The following DNAH7 variants were observed in gnomAD, a reference collection of about 807,000 sequenced individuals.
DNAH7 encodes axonemal beta dynein heavy chain 7.
DNAH7 carries 397 observed loss-of-function variants against 444.6 expected under a neutral mutation model. The ratio of observed to expected loss-of-function variants is 0.89; its 90% CI spans 0.82 to 0.97. The LOEUF is 0.97. DNAH7 is among the 50% of genes least tolerant of loss of function. The pLI is 0.00. For missense variants in DNAH7, 4,902 were observed against 4,800.8 expected (o/e 1.02, Z -0.62); for synonymous variants, 1,636 against 1,624.4 (o/e 1.01, Z -0.17).
chr2:195,957,184 G>C, intron 19 of DNAH7, 77 bp downstream of exon 19: 1 of 1,235,024 alleles, frequency 8.1e-7, no homozygotes, highest in Non-Finnish European at 1.1e-6. Context: ...AACAATAATG[G>C]CTTATATGGA....
chr2:195,746,701 A>C (rs1056901935), intron 63 of DNAH7, among the ~76,000 whole-genome samples: 2 of 152,196 alleles, frequency 1.3e-5, no homozygotes, highest in East Asian at 3.8e-4. Flanking sequence ...CTCACTCAAA[A>C]CCACTCAACT....
At position 195,754,469 on chromosome 2, in the gene DNAH7, A is replaced by C. The variant is rs757293486; in HGVS notation, c.11632T>G (p.Phe3878Val). The part of the protein sequence containing the change: ...GPPPVFWLSG[F>V]FFTQAFLTGA... ...GTCAGGAAGGCTTGTGTGAAGAAGA[A>C]GCCAGAAAGCCAGAAGACTGGAGGA... is the stretch of plus-strand genomic sequence containing the variant. The change falls in exon 63 of 65, where the codon TTC becomes GTC. Residue 3878 changes from phenylalanine to valine, a missense_variant. Phe to Val is a conservative substitution (Grantham distance 50). Coordinates refer to ENST00000312428, the MANE Select transcript of DNAH7 (RefSeq NM_018897.3). 6.2e-7 allele frequency: 1 copy of C among 1,614,082 alleles called. No individual in the cohort carries two copies. Among genetic ancestry groups the C allele is most frequent in the Admixed American group, 1.7e-5 (1 of 59,996 alleles).
At chr2:196,015,139 G>T (rs966960735) in intron 9 of DNAH7, among the ~76,000 whole-genome samples, 1 of 151,990 alleles carries the variant, frequency 6.6e-6, no homozygotes, top group African/African-American at 2.4e-5. Context: ...GATAGGTATG[G>T]CTAGGATTCC....
At position 195,909,955 on chromosome 2, in the gene DNAH7, A is replaced by G. The variant is rs190482437; in HGVS notation, c.4104+72T>C. ...ACAGTAAATCTTTTACTTGTATTCAATTATGTTGCATCATAAATAACCATC... is the reference window on the plus strand; with the variant it reads ...ACAGTAAATCTTTTACTTGTATTCAGTTATGTTGCATCATAAATAACCATC... On this transcript the variant is annotated intron_variant, in intron 25 of 64. Transcript: ENST00000312428. 10 of 1,409,760 alleles carry G rather than the reference A, an allele frequency of 7.1e-6. No homozygotes were observed. The Admixed American group carries it at 1.9e-4, about 27-fold the overall frequency. The allele number at this position is 1,409,760 out of a possible 1,614,324, so 87.3% of individuals were successfully genotyped here. A position where few individuals can be genotyped will look rare whatever the true frequency, so the allele number is the denominator to read the frequency against.
At chr2:195,901,790 A>G (rs1359498596) in intron 27 of DNAH7, 10 of 152,214 alleles carry the variant, frequency 6.6e-5, no homozygotes, top group Admixed American at 6.5e-4. Flanking sequence ...AAAACCGGAA[A>G]TAAGTAATAC....
chr2:195,850,218 C>T (rs1216263222), intron 46 of DNAH7, among the ~76,000 whole-genome samples: 1 of 150,846 alleles, frequency 6.6e-6, no homozygotes, highest in African/African-American at 2.4e-5. Flanking sequence ...TCTCAAAATT[C>T]AAGCCAATGG....
chr2:195,762,049 T>G (rs1694373349), intron 61 of DNAH7, among the ~76,000 whole-genome samples: 1 of 152,020 alleles, frequency 6.6e-6, no homozygotes, highest in South Asian at 2.1e-4. Flanking sequence ...AGAGACAGTA[T>G]AATAGGATAT....
chr2:195,894,889 C>A, intron 30 of DNAH7, 87 bp downstream of exon 30: 1 of 1,225,486 alleles, frequency 8.2e-7, no homozygotes, highest in Non-Finnish European at 1.1e-6. Flanking sequence ...TAAGTTGCCA[C>A]ATTGAATGCA....
rs1157639150 is a variant in DNAH7, at chr2:195,794,528, G to C, written c.10526C>G (p.Pro3509Arg). ...TLEKVCEELSPESTHPDFRMW... is the reference protein window; with the variant it reads ...TLEKVCEELSRESTHPDFRMW... ...TCGGAAATCTGGATGTGTTGACTCT[G>C]GGCTTAACTCCTGTAAGAAAATAAA... Residue 3509 changes from proline (P) to arginine (R), a missense_variant, in exon 57 of 65, where the codon CCA becomes CGA. Transcript: ENST00000312428. 1.2e-6 allele frequency: 2 copies of C among 1,613,866 alleles called. No homozygotes were observed. Among genetic ancestry groups the C allele is most frequent in the African/African-American group, 2.7e-5 (2 of 74,898 alleles).
chr2:195,891,415 CTTTT>C (rs5837481), intron 31 of DNAH7, among the ~76,000 whole-genome samples: 1 of 146,342 alleles, frequency 6.8e-6, no homozygotes, highest in Non-Finnish European at 1.5e-5. Flanking sequence ...TTGCCCTGGC[CTTTT>C]TTTTTTTCTA....
At chr2:195,877,364 ATATC>A (rs945211728) in intron 36 of DNAH7, among the ~76,000 whole-genome samples, 1 of 152,230 alleles carries the variant, frequency 6.6e-6, no homozygotes, top group Middle Eastern at 3.2e-3. Context: ...ATGAACAGTA[ATATC>A]TATCACATGC....
chr2:196,021,667 A>G (rs1043820524), intron 8 of DNAH7, among the ~76,000 whole-genome samples: 3 of 151,716 alleles, frequency 2.0e-5, no homozygotes, highest in African/African-American at 7.3e-5. Flanking sequence ...AAAAAAAAAA[A>G]TTAAATTAGC....
chr2:195,921,512 T>C (rs991859552), intron 24 of DNAH7, among the ~76,000 whole-genome samples: 5 of 152,124 alleles, frequency 3.3e-5, no homozygotes, highest in Non-Finnish European at 5.9e-5. Flanking sequence ...CCAAACATCA[T>C]ATGTTCTCAC....
At chr2:196,016,666 G>A (rs1695039436) in intron 9 of DNAH7, among the ~76,000 whole-genome samples, 1 of 152,144 alleles carries the variant, frequency 6.6e-6, no homozygotes, top group Non-Finnish European at 1.5e-5. Flanking sequence ...TGCAGACCTG[G>A]GTTCATTCAG....
In DNAH7 at chr2:195,770,866, A is replaced by AT. The variant is rs202188677; in HGVS notation, c.11433+793dup. ...AGTAGCATACACCACAATGCCCAGC[A>AT]TTTTTTTTTTTTTTTTCAGAAGAGA... is the stretch of plus-strand genomic sequence containing the variant. On this transcript the variant is annotated intron_variant, in intron 61 of 64. Coordinates refer to ENST00000312428, the MANE Select transcript of DNAH7 (RefSeq NM_018897.3). Among the ~76,000 whole-genome samples the AT allele has an allele frequency of 6.9e-3, 920 of 133,492 alleles. 5 individuals are homozygous for AT. The highest frequency in any genetic ancestry group is 0.037 in the South Asian group (149 of 4,074). The allele number at this position is 133,492 out of a possible 152,430, so 87.6% of individuals were successfully genotyped here. A position where few individuals can be genotyped will look rare whatever the true frequency, so the allele number is the denominator to read the frequency against.
chr2:196,018,924 T>C (rs549711422), intron 9 of DNAH7, among the ~76,000 whole-genome samples: 9 of 152,126 alleles, frequency 5.9e-5, no homozygotes, highest in Non-Finnish European at 1.2e-4. Context: ...AAATATCTCA[T>C]GTACCCCATA....
At chr2:195,925,614 G>C (rs1688283085) in intron 22 of DNAH7, among the ~76,000 whole-genome samples, 1 of 152,120 alleles carries the variant, frequency 6.6e-6, no homozygotes, top group African/African-American at 2.4e-5. Context: ...AAGTTGGAGT[G>C]AATTAAACAT....
At chr2:195,898,212 C>T (rs564600300) in intron 28 of DNAH7, among the ~76,000 whole-genome samples, 56 of 152,178 alleles carry the variant, frequency 3.7e-4, no homozygotes, top group African/African-American at 1.3e-3. Flanking sequence ...ATTTTGATGC[C>T]AAGGCCTTTT....
chr2:195,920,593 T>A (rs566891473), intron 24 of DNAH7, among the ~76,000 whole-genome samples: 20 of 152,322 alleles, frequency 1.3e-4, no homozygotes, highest in African/African-American at 4.8e-4. Context: ...GACTTAAATC[T>A]AAGACCTGAA....
Sources: allele counts gnomAD v4.1 joint callset (sites outside exome capture counted in the v4.1 genomes callset), GRCh38; gene constraint gnomAD v4.1.1; transcripts MANE v1.5; gene names NCBI Gene and HGNC (gene_info 2026-07-23, HGNC 2026-07-21).